DNAH7: variants seen among roughly 807,000 people sequenced by gnomAD.
DNAH7 encodes axonemal beta dynein heavy chain 7.
DNAH7 carries 397 observed loss-of-function variants against 444.6 expected under a neutral mutation model. That is an observed-to-expected ratio of 0.89 (90% confidence interval 0.82 to 0.97). DNAH7 has a LOEUF of 0.97. Ranked by LOEUF, DNAH7 falls within the 50% of genes least tolerant of loss-of-function variation. The probability of loss-of-function intolerance (pLI) is 0.00; values close to 1 mark genes in which losing one functional copy is unlikely to be tolerated. For synonymous variants in DNAH7, 1,636 were observed against 1,624.4 expected (o/e 1.01, Z -0.17); for missense variants, 4,902 against 4,800.8 (o/e 1.02, Z -0.62).
At chr2:195,741,123 T>A (rs1444493333) in intron 63 of DNAH7, 1 of 199,242 alleles carries the variant, frequency 5.0e-6, no homozygotes, top group Non-Finnish European at 1.0e-5. Flanking sequence ...TAAACAGGTC[T>A]ATGGGAAGTT....
Position 195,787,119 on chromosome 2 carries a change from T to C in DNAH7, c.10769A>G (p.Gln3590Arg), listed in dbSNP as rs1295967881. 14 of 1,611,134 alleles carry C rather than the reference T, an allele frequency of 8.7e-6. No homozygotes were observed. Among genetic ancestry groups the C allele is most frequent in the Non-Finnish European group, 1.2e-5 (14 of 1,179,250 alleles). Residue 3590 changes from glutamine (Q) to arginine (R), a missense_variant, in exon 58 of 65, where the codon CAA (glutamine) becomes CGA (arginine). Physicochemically the swap from Gln to Arg is conservative, Grantham distance 43. Transcript: ENST00000312428. ...TAGGGGTCCAAATTTCCGTCTTTCTTGTACCAAAGCATGAAAGAAACACAG... is the reference window on the plus strand; with the variant it reads ...TAGGGGTCCAAATTTCCGTCTTTCTCGTACCAAAGCATGAAAGAAACACAG... ...YGLCFFHALVQERRKFGPLGW... is the reference protein window; with the variant it reads ...YGLCFFHALVRERRKFGPLGW...
chr2:196,060,234 AAAAC>A (rs919488864), intron 1 of DNAH7, among the ~76,000 whole-genome samples: 110 of 152,302 alleles, frequency 7.2e-4, no homozygotes, highest in Admixed American at 1.4e-3. Context: ...AAGAAAAACA[AAAAC>A]AAACAAACAA....
chr2:195,873,968 G>A (rs1700873166), intron 38 of DNAH7, among the ~76,000 whole-genome samples: 1 of 152,122 alleles, frequency 6.6e-6, no homozygotes, highest in Non-Finnish European at 1.5e-5. Context: ...AGACCAGGCA[G>A]AAAAAGCCAC....
Position 195,922,172 on chromosome 2 carries a change from A to C in DNAH7, c.3851T>G (p.Ile1284Ser), listed in dbSNP as rs755593180. The C allele has an allele frequency of 1.2e-5, 19 of 1,612,176 alleles. No individual in the cohort carries two copies. Among genetic ancestry groups the C allele is most frequent in the Non-Finnish European group, 1.6e-5 (19 of 1,178,348 alleles). ...ATATCCATATCGCAAACCAGCATTGATCATTTTTGTTTCTAAATGATTTTC... is the reference window on the plus strand; with the variant it reads ...ATATCCATATCGCAAACCAGCATTGCTCATTTTTGTTTCTAAATGATTTTC... ...WQENHLETKM[I>S]NAGLRYGYEY... Residue 1284 changes from isoleucine (I) to serine (S), a missense_variant, in exon 24 of 65, where the codon ATC becomes AGC. Physicochemically the swap from Ile to Ser is moderately radical, Grantham distance 142. Coordinates refer to ENST00000312428, the MANE Select transcript of DNAH7 (RefSeq NM_018897.3).
At position 195,897,506 on chromosome 2, in the gene DNAH7, G is replaced by A. The variant is rs559602039; in HGVS notation, c.4647+161C>T. On this transcript the variant is annotated intron_variant, in intron 29 of 64. Transcript: ENST00000312428. ...TCCCAAGTTGTTGAAAGTTCTCAAA[G>A]TGACAAAGCTAGCTAAACACACTTC... Among the ~76,000 whole-genome samples, 45 of 152,260 alleles carry A rather than the reference G, an allele frequency of 3.0e-4. 1 individual carries two copies. The South Asian group carries it at 7.7e-3, about 26-fold the overall frequency.
Position 195,906,423 on chromosome 2 carries a change from A to ACACACACACACACACTT in DNAH7, c.4335+235_4335+236insAAGTGTGTGTGTGTGTG, listed in dbSNP as rs764416021. ...CATACACACAGAAACACACACACACACACACACTTTTAAAATATTTTCTTT... is the reference window on the plus strand; with the variant it reads ...CATACACACAGAAACACACACACACACACACACACACACACTTCACACACTTTTAAAATATTTTCTTT... On this transcript the variant is annotated intron_variant, in intron 27 of 64. Coordinates refer to ENST00000312428, the MANE Select transcript of DNAH7 (RefSeq NM_018897.3). Among the ~76,000 whole-genome samples the ACACACACACACACACTT allele has an allele frequency of 1.1e-3, 165 of 147,558 alleles. 1 individual carries two copies. Among genetic ancestry groups the ACACACACACACACACTT allele is most frequent in the African/African-American group, 3.7e-3 (146 of 39,456 alleles).
At chr2:195,754,205 T>G in intron 63 of DNAH7, 132 bp downstream of exon 63, 1 of 990,278 alleles carries the variant, frequency 1.0e-6, no homozygotes, top group East Asian at 2.5e-5. Flanking sequence ...CTCAATAATT[T>G]TTTTCTCTGG....
At chr2:195,740,640 TATATACATATACACAC>T (rs369648170) in intron 64 of DNAH7, 110 bp downstream of exon 64, 2,752 of 90,702 alleles carry the variant, frequency 0.03, 33 homozygotes, top group Non-Finnish European at 0.037. Context: ...TATATATATA[TATATACATATACACAC>T]ACACATATGT....
chr2:196,033,644 G>A (rs532346900), intron 5 of DNAH7, among the ~76,000 whole-genome samples: 19 of 152,220 alleles, frequency 1.2e-4, no homozygotes, highest in African/African-American at 4.6e-4. Flanking sequence ...AGGCTGAAGT[G>A]TATTCCATTG....
At chr2:195,912,276 G>T (rs1234748529) in intron 24 of DNAH7, among the ~76,000 whole-genome samples, 2 of 152,222 alleles carry the variant, frequency 1.3e-5, no homozygotes, top group East Asian at 3.9e-4. Context: ...CACACCATCT[G>T]CCCCTTGGAT....
At chr2:195,747,463 A>T (rs1693499473) in intron 63 of DNAH7, among the ~76,000 whole-genome samples, 1 of 152,220 alleles carries the variant, frequency 6.6e-6, no homozygotes, top group African/African-American at 2.4e-5. Flanking sequence ...ATAGAGAAAG[A>T]GGGAATCCTC....
chr2:196,034,559 A>G (rs1696264825), intron 5 of DNAH7, among the ~76,000 whole-genome samples: 1 of 152,218 alleles, frequency 6.6e-6, no homozygotes, highest in African/African-American at 2.4e-5. Context: ...GAAATGCAAA[A>G]GACCTAAAAC....
At chr2:195,809,509 CAATTT>C (rs1696862680) in intron 52 of DNAH7, among the ~76,000 whole-genome samples, 1 of 152,060 alleles carries the variant, frequency 6.6e-6, no homozygotes, top group African/African-American at 2.4e-5. Context: ...CTAATATAAT[CAATTT>C]ATTTTAAAAT....
In DNAH7 at chr2:195,887,804, T is replaced by C. The variant is rs541753387; in HGVS notation, c.5406+454A>G. Among the ~76,000 whole-genome samples the C allele has an allele frequency of 2.6e-5, 4 of 152,102 alleles. No homozygotes were observed. The South Asian group carries it at 8.3e-4, about 32-fold the overall frequency. ...AGGAGATTCCCATTTCCTTGTCATT[T>C]TCCTCCCTCCCACCATCCCCCTCCC... On this transcript the variant is annotated intron_variant, in intron 33 of 64. Coordinates refer to ENST00000312428, the MANE Select transcript of DNAH7 (RefSeq NM_018897.3).
intron 51 of DNAH7, among the ~76,000 whole-genome samples, chr2:195,813,172 C>T (rs1229805341): frequency 1.3e-5 from 2 of 152,030 alleles, no homozygotes; most frequent in African/African-American, 4.8e-5. Flanking sequence ...TGGAAGCTAC[C>T]CAAATATCCT....
rs763985164 is a variant in DNAH7, at chr2:195,987,169, T to C, written c.1651A>G (p.Met551Val). 1.9e-6 allele frequency: 3 copies of C among 1,600,682 alleles called. No homozygotes were observed. The African/African-American group carries it at 4.0e-5, about 21-fold the overall frequency. ...IKTIRLGMFE[M>V]HCEELIRALV... ...GCTCTGATTAATTCCTCACAGTGCATTTCAAACATTCCTAAACGAATAGTC... is the reference window on the plus strand; with the variant it reads ...GCTCTGATTAATTCCTCACAGTGCACTTCAAACATTCCTAAACGAATAGTC... The change falls in exon 14 of 65, where the codon ATG becomes GTG. Residue 551 changes from methionine to valine, a missense_variant. Transcript: ENST00000312428.
chr2:195,833,491 G>A (rs1195264248), intron 48 of DNAH7, among the ~76,000 whole-genome samples: 1 of 152,130 alleles, frequency 6.6e-6, no homozygotes, highest in East Asian at 1.9e-4. Flanking sequence ...CACTGTCCTG[G>A]AGCTAAATAG....
chr2:196,017,058 G>A (rs1231500182), intron 9 of DNAH7, among the ~76,000 whole-genome samples: 1 of 152,062 alleles, frequency 6.6e-6, no homozygotes, highest in Non-Finnish European at 1.5e-5. Flanking sequence ...CCAAGCTGGA[G>A]TGCACTGGCA....
chr2:196,001,995 C>G, intron 10 of DNAH7, 137 bp from the exon 11 acceptor site: 1 of 568,902 alleles, frequency 1.8e-6, no homozygotes, highest in South Asian at 5.6e-5. Context: ...ACCCACTCTC[C>G]GAAATGTAAG....
Sources: allele counts gnomAD v4.1 joint callset (sites outside exome capture counted in the v4.1 genomes callset), GRCh38; gene constraint gnomAD v4.1.1; transcripts MANE v1.5; gene names NCBI Gene and HGNC (gene_info 2026-07-23, HGNC 2026-07-21).